The following DST variants were observed in gnomAD, a reference collection of about 807,000 sequenced individuals.
DST encodes dystonin, also known as bullous pemphigoid antigen.
A neutral mutation model predicts 875.2 loss-of-function variants in DST; 253 were observed. The ratio of observed to expected loss-of-function variants is 0.29; its 90% confidence interval spans 0.26 to 0.32. DST has a LOEUF of 0.32. Ranked by LOEUF, DST falls within the 10% of genes least tolerant of loss-of-function variation. The pLI, the probability that DST is intolerant of heterozygous loss-of-function variation, is 1.00. For synonymous variants in DST, 3,124 were observed against 3,197.1 expected, an observed-to-expected ratio of 0.98 and a Z score of 0.77; for missense variants, 8,287 against 9,111.6, an observed-to-expected ratio of 0.91 and a Z score of 3.68.
chr6:56,778,024 C>T (rs1036810553), intron 4 of DST, among the ~76,000 whole-genome samples: 1 of 152,140 alleles, frequency 6.6e-6, no homozygotes, highest in East Asian at 1.9e-4. Context: ...TTTTTAAATG[C>T]AAAAGAAGGT....
intron 15 of DST, 146 bp downstream of exon 15, chr6:56,645,720 G>GTTT: frequency 2.2e-6 from 2 of 928,006 alleles, no homozygotes; most frequent in Non-Finnish European, 3.2e-6. Flanking sequence ...TCTTAGAAGA[G>GTTT]TTTCTAGGTA....
At chr6:56,855,178 T>C (rs1358976376) in intron 3 of DST, among the ~76,000 whole-genome samples, 1 of 152,262 alleles carries the variant, frequency 6.6e-6, no homozygotes, top group African/African-American at 2.4e-5. Flanking sequence ...CAGTAAATCC[T>C]CACTTAAAAT....
chr6:56,783,759 C>T (rs866032298), intron 4 of DST, among the ~76,000 whole-genome samples: 4 of 152,114 alleles, frequency 2.6e-5, no homozygotes, highest in African/African-American at 9.7e-5. Context: ...GAACCTGATC[C>T]TGTCATTATG....
chr6:56,880,467 C>T (rs181624760), intron 3 of DST, among the ~76,000 whole-genome samples: 6 of 152,218 alleles, frequency 3.9e-5, no homozygotes, highest in South Asian at 2.1e-4. Context: ...GTGGGCAGAT[C>T]GCTTGAGGTC....
intron 5 of DST, among the ~76,000 whole-genome samples, chr6:56,721,389 C>T (rs1465235469): frequency 6.6e-6 from 1 of 152,228 alleles, no homozygotes; most frequent in African/African-American, 2.4e-5. Flanking sequence ...ACAGGCCTAG[C>T]AAATCACAAG....
chr6:56,728,300 T>G (rs1013861382), intron 5 of DST, among the ~76,000 whole-genome samples: 3 of 152,226 alleles, frequency 2.0e-5, no homozygotes, highest in African/African-American at 7.2e-5. Flanking sequence ...CAAAAGATAT[T>G]TTGCTATTAA....
rs764038601 is a variant in DST, at chr6:56,536,826, G to C, written c.16723C>G (p.His5575Asp). 9.9e-6 allele frequency: 16 copies of C among 1,608,218 alleles called. No individual in the cohort carries two copies. Among genetic ancestry groups the C allele is most frequent in the Admixed American group, 1.7e-5 (1 of 59,462 alleles). Residue 5575 changes from histidine to aspartate, a missense_variant, in exon 62 of 104, where the codon CAT (histidine) becomes GAT (aspartate). By Grantham distance (81) the His-to-Asp change is moderately conservative. Coordinates refer to ENST00000680361, the MANE Select transcript of DST (RefSeq NM_001374736.1). Reference protein sequence around the residue: ...AKSTSTQGLEHDLDDVNARWK... With the variant: ...AKSTSTQGLEDDLDDVNARWK... Reference sequence around the variant, plus strand: ...CGTGCATTGACATCATCCAGGTCATGCTCCAAGCCCTGAGTGCTAGTGCTT... The same window carrying C: ...CGTGCATTGACATCATCCAGGTCATCCTCCAAGCCCTGAGTGCTAGTGCTT...
intron 10 of DST, among the ~76,000 whole-genome samples, chr6:56,659,595 G>A (rs919080802): frequency 2.1e-4 from 32 of 152,132 alleles, no homozygotes; most frequent in Non-Finnish European, 2.9e-4. Flanking sequence ...TGAATTATGG[G>A]GTAAGAGACT....
intron 10 of DST, among the ~76,000 whole-genome samples, chr6:56,651,718 C>T (rs570826681): frequency 7.0e-4 from 106 of 152,304 alleles, no homozygotes; most frequent in African/African-American, 2.5e-3. Flanking sequence ...AAGGAGAGAT[C>T]AAGCTCCACC....
chr6:56,872,748 T>C (rs926942724), intron 3 of DST, among the ~76,000 whole-genome samples: 41 of 151,396 alleles, frequency 2.7e-4, no homozygotes, highest in African/African-American at 8.5e-4. Flanking sequence ...TAGGTATTTA[T>C]CAGATAGATA....
chr6:56,815,329 G>T (rs2099765315), intron 4 of DST, among the ~76,000 whole-genome samples: 1 of 149,178 alleles, frequency 6.7e-6, no homozygotes, highest in Admixed American at 6.6e-5. Context: ...ATTCATAGTT[G>T]CCTGTCACAC....
At chr6:56,618,835 G>A (rs1275089600) in intron 36 of DST, 1 of 1,613,898 alleles carries the variant, frequency 6.2e-7, no homozygotes, top group Non-Finnish European at 8.5e-7. Flanking sequence ...TCTTTCTGTG[G>A]GTCATCTGCT....
chr6:56,614,788 T>C (rs982978055), intron 36 of DST: 54 of 1,023,666 alleles, frequency 5.3e-5, no homozygotes, highest in Non-Finnish European at 6.2e-5. Context: ...AGAAGATCTT[T>C]GAATTGCTGC....
At position 56,606,258 on chromosome 6, in the gene DST, A is replaced by C. The variant is rs2098496780; in HGVS notation, c.8370T>G (p.Ser2790Arg). ...SDTDHLDSMQ[S>R]EESYGDYIYD... is the part of the protein sequence containing the mutation. ...ATATATAATCCCCATAACTTTCTTC[A>C]CTTTGCATAGAATCTAAATGATCAG... The change falls in exon 40 of 104, where the codon AGT (serine) becomes AGG (arginine). Residue 2790 changes from serine to arginine, a missense_variant. By Grantham distance (110) the Ser-to-Arg change is moderately radical. Transcript: ENST00000680361. The C allele has an allele frequency of 6.4e-7, 1 of 1,572,262 alleles. No individual in the cohort carries two copies. The highest frequency in any genetic ancestry group is 1.4e-5 in the African/African-American group (1 of 73,978).
At chr6:56,639,068 C>T in intron 22 of DST, 191 bp downstream of exon 22, 1 of 622,152 alleles carries the variant, frequency 1.6e-6, no homozygotes, top group Admixed American at 2.7e-5. Context: ...TACTTTTATT[C>T]TAAGTGATGG....
intron 4 of DST, chr6:56,742,371 A>C: frequency 7.8e-7 from 1 of 1,289,434 alleles, no homozygotes; most frequent in Non-Finnish European, 1.0e-6. Flanking sequence ...CAGTTCCCTA[A>C]ACTCTCTCCG....
At chr6:56,555,103 T>C (rs2097388886) in intron 60 of DST, among the ~76,000 whole-genome samples, 1 of 152,200 alleles carries the variant, frequency 6.6e-6, no homozygotes, top group African/African-American at 2.4e-5. Context: ...ACCTGAGATT[T>C]TAATAGGCCT....
chr6:56,589,026 G>C (rs1488776341), intron 49 of DST, among the ~76,000 whole-genome samples: 2 of 152,242 alleles, frequency 1.3e-5, no homozygotes, highest in South Asian at 2.1e-4. Flanking sequence ...TTATTTAGGA[G>C]ATGAAGTAAG....
At chr6:56,803,056 G>A (rs900663680) in intron 4 of DST, among the ~76,000 whole-genome samples, 2 of 152,160 alleles carry the variant, frequency 1.3e-5, no homozygotes, top group African/African-American at 2.4e-5. Context: ...TTTTTAATGT[G>A]TTAAGCATTG....
Sources: allele counts gnomAD v4.1 joint callset (sites outside exome capture counted in the v4.1 genomes callset), GRCh38; gene constraint gnomAD v4.1.1; transcripts MANE v1.5; gene names NCBI Gene and HGNC (gene_info 2026-07-23, HGNC 2026-07-21).